RABEP1: variants seen among roughly 807,000 people sequenced by gnomAD.
RABEP1 encodes the protein rabaptin, RAB GTPase binding effector protein 1.
Under a neutral mutation model 123.4 loss-of-function variants are expected in RABEP1, and 51 were observed. The ratio of observed to expected loss-of-function variants is 0.41; its 90% CI spans 0.33 to 0.52. The LOEUF is 0.52. RABEP1 is among the 20% of genes least tolerant of loss of function. The pLI is 0.16. For synonymous variants in RABEP1, 347 were observed against 355.2 expected (o/e 0.98, Z 0.26); for missense variants, 888 against 996.3 (o/e 0.89, Z 1.46).
At chr17:5,314,944 C>T (rs2075282003) in intron 2 of RABEP1, among the ~76,000 whole-genome samples, 1 of 152,150 alleles carries the variant, frequency 6.6e-6, no homozygotes, top group Admixed American at 6.6e-5. Flanking sequence ...GTAGTGTTGG[C>T]AATGAGTAAG....
chr17:5,353,886 G>A (rs980709877), intron 7 of RABEP1, among the ~76,000 whole-genome samples: 1 of 152,214 alleles, frequency 6.6e-6, no homozygotes, highest in Non-Finnish European at 1.5e-5. Flanking sequence ...TGGAGAGGAT[G>A]AGGTGGGAGA....
chr17:5,332,596 ATTTTT>A lies in RABEP1; in HGVS notation c.367+461_367+465del, dbSNP rs553120401. Among the ~76,000 whole-genome samples the A allele has an allele frequency of 5.7e-5, 6 of 105,916 alleles. No individual in the cohort carries two copies. The East Asian group carries it at 1.4e-3, about 24-fold the overall frequency. The allele number at this position is 105,916 out of a possible 152,430, so 69.5% of individuals were successfully genotyped here. On this transcript the variant is annotated intron_variant, in intron 3 of 17. Coordinates refer to ENST00000537505, the MANE Select transcript of RABEP1 (RefSeq NM_004703.6). ...GTGTAGTTTGGCCATACGTTTTAGAATTTTTTTTTTTTTTTTTTTTTGAGATGGAA... is the reference window on the plus strand; with the variant it reads ...GTGTAGTTTGGCCATACGTTTTAGAATTTTTTTTTTTTTTTTGAGATGGAA...
intron 3 of RABEP1, among the ~76,000 whole-genome samples, chr17:5,333,777 T>G (rs1371247210): frequency 2.0e-5 from 3 of 152,170 alleles, no homozygotes; most frequent in Admixed American, 6.5e-5. Flanking sequence ...TCTTTCATCC[T>G]TAGCATATGG....
At chr17:5,282,706 G>T (rs1773569198) in intron 1 of RABEP1, among the ~76,000 whole-genome samples, 186 bp downstream of exon 1, 1 of 147,926 alleles carries the variant, frequency 6.8e-6, no homozygotes, top group South Asian at 2.1e-4. Context: ...GGCTGCCGTC[G>T]CTGGGGAGGG....
chr17:5,339,674 CT>C (rs35444278), intron 5 of RABEP1, among the ~76,000 whole-genome samples: 95,788 of 151,682 alleles, frequency 0.63, 32,462 homozygotes, highest in East Asian at 0.97. Flanking sequence ...GGCCACGCGC[CT>C]TGTAGTCCCT....
In RABEP1 at chr17:5,346,399, T is replaced by A. The variant is rs114414150; in HGVS notation, c.649-391T>A. Among the ~76,000 whole-genome samples the A allele has an allele frequency of 2.0e-3, 309 of 152,316 alleles. 1 individual carries two copies. The highest frequency in any genetic ancestry group is 6.9e-3 in the African/African-American group (287 of 41,564). ...AAAGGAAAGCAAACTTAAAAGTGTA[T>A]GGTATCGTTTTTGTCCTTAGAAATT... On this transcript the variant is annotated intron_variant, in intron 5 of 17. Coordinates refer to ENST00000537505, the MANE Select transcript of RABEP1 (RefSeq NM_004703.6).
intron 8 of RABEP1, among the ~76,000 whole-genome samples, chr17:5,356,201 C>T (rs1909000083): frequency 1.3e-5 from 2 of 152,190 alleles, no homozygotes; most frequent in South Asian, 2.1e-4. Context: ...ACTAAAAATA[C>T]ACAAATTAGC....
intron 2 of RABEP1, among the ~76,000 whole-genome samples, chr17:5,322,346 G>A (rs1054948201): frequency 1.4e-4 from 22 of 151,902 alleles, no homozygotes; most frequent in Non-Finnish European, 2.9e-4. Flanking sequence ...GGGTGACAGT[G>A]AAACTGTCTC....
chr17:5,382,819 C>T (rs889215889), intron 17 of RABEP1, among the ~76,000 whole-genome samples: 1 of 151,960 alleles, frequency 6.6e-6, no homozygotes, highest in African/African-American at 2.4e-5. Context: ...ACTCGGGAGG[C>T]TGAGACAGGA....
chr17:5,306,507 A>G (rs2075180671), intron 1 of RABEP1, among the ~76,000 whole-genome samples: 2 of 151,702 alleles, frequency 1.3e-5, no homozygotes, highest in African/African-American at 4.8e-5. Flanking sequence ...ATGTGCCTGT[A>G]CTCCCAGCTA....
intron 7 of RABEP1, among the ~76,000 whole-genome samples, chr17:5,353,916 T>C (rs1908783745): frequency 1.3e-5 from 2 of 152,154 alleles, no homozygotes; most frequent in Admixed American, 1.3e-4. Flanking sequence ...ACCCAGGAGG[T>C]TGAGGCTGCA....
At chr17:5,369,586 T>C (rs755185968) in intron 12 of RABEP1, among the ~76,000 whole-genome samples, 4 of 152,206 alleles carry the variant, frequency 2.6e-5, no homozygotes, top group Non-Finnish European at 5.9e-5. Flanking sequence ...GTGTTTTCTC[T>C]AATTAGAAAA....
At chr17:5,350,379 C>CA (rs879650521) in intron 6 of RABEP1, 72 bp from the exon 7 acceptor site, 58,861 of 1,011,070 alleles carry the variant, frequency 0.058, 1 homozygote, top group East Asian at 0.071. Flanking sequence ...GACTCCATCT[C>CA]AAAAAAAAAA....
At chr17:5,363,062 T>C (rs1038039625) in intron 10 of RABEP1, 46 bp downstream of exon 10, 1 of 1,430,424 alleles carries the variant, frequency 7.0e-7, no homozygotes, top group Admixed American at 1.7e-5. Context: ...TCGTTTTCAT[T>C]GGAGGTGCAG....
At chr17:5,292,650 C>A (rs1297118740) in intron 1 of RABEP1, among the ~76,000 whole-genome samples, 1 of 152,106 alleles carries the variant, frequency 6.6e-6, no homozygotes, top group African/African-American at 2.4e-5. Flanking sequence ...TCCCAAAGTG[C>A]TGGGATTACA....
chr17:5,370,858 C>G (rs562202432), intron 12 of RABEP1, among the ~76,000 whole-genome samples: 42 of 152,048 alleles, frequency 2.8e-4, no homozygotes, highest in African/African-American at 9.6e-4. Flanking sequence ...TGCCCTTAGA[C>G]TGTATCTCAG....
At chr17:5,291,180 G>A (rs2075029658) in intron 1 of RABEP1, among the ~76,000 whole-genome samples, 1 of 152,216 alleles carries the variant, frequency 6.6e-6, no homozygotes, top group Non-Finnish European at 1.5e-5. Context: ...GGAGGCTGAA[G>A]TGGGTGGACC....
intron 12 of RABEP1, among the ~76,000 whole-genome samples, chr17:5,370,965 CTTTT>C (rs58556047): frequency 6.9e-6 from 1 of 144,742 alleles, no homozygotes; most frequent in Non-Finnish European, 1.5e-5. Flanking sequence ...ATTTGTTTCT[CTTTT>C]TTTTTTTTTG....
At chr17:5,322,346 G>T (rs1054948201) in intron 2 of RABEP1, among the ~76,000 whole-genome samples, 1 of 151,902 alleles carries the variant, frequency 6.6e-6, no homozygotes, top group Admixed American at 6.6e-5. Context: ...GGGTGACAGT[G>T]AAACTGTCTC....
Sources: gnomAD v4.1 joint callset for allele counts (sites outside exome capture counted in the v4.1 genomes callset) on GRCh38, gnomAD v4.1.1 for gene constraint, MANE v1.5 for transcripts, NCBI Gene and HGNC (gene_info 2026-07-23, HGNC 2026-07-21) for gene names.